Variants in OPHN1 observed in about 807,000 individuals in gnomAD.
The protein encoded by OPHN1 is oligophrenin 1.
In OPHN1, 11 loss-of-function variants were observed where a neutral mutation model predicts 60.7. The observed-to-expected ratio is 0.18, with a 90% CI of 0.11 to 0.30. The LOEUF is 0.30. Ranked by LOEUF, OPHN1 falls within the 10% of genes least tolerant of loss-of-function variation. The pLI, the probability that OPHN1 is intolerant of heterozygous loss-of-function variation, is 1.00. For synonymous variants in OPHN1, 226 were observed against 222.6 expected (o/e 1.02, Z -0.14); for missense variants, 449 against 611.0 (o/e 0.73, Z 2.80).
At chrX:68,361,990 T>C (rs770435491) in intron 2 of OPHN1, among the ~76,000 whole-genome samples, 3 of 112,321 alleles carry the variant, frequency 2.7e-5, no homozygotes, top group Non-Finnish European at 5.6e-5. Context: ...ATTTTTTTCA[T>C]ATACCTGTTG....
chrX:68,381,422 G>A (rs1052370772), intron 2 of OPHN1, among the ~76,000 whole-genome samples: 2 of 111,410 alleles, frequency 1.8e-5, no homozygotes, highest in African/African-American at 3.3e-5. Flanking sequence ...CATAGTAAGC[G>A]CTCAACAAAT....
At chrX:68,236,498 C>T (rs1346322115) in intron 5 of OPHN1, among the ~76,000 whole-genome samples, 1 of 111,963 alleles carries the variant, frequency 8.9e-6, no homozygotes, top group Non-Finnish European at 1.9e-5. Flanking sequence ...TATCTAATTC[C>T]AAAATATTTT....
chrX:68,287,068 A>AAAGG (rs199811542), intron 3 of OPHN1, among the ~76,000 whole-genome samples: 156 of 102,622 alleles, frequency 1.5e-3, no homozygotes, highest in Non-Finnish European at 2.6e-3. Context: ...AGAAAGGAAG[A>AAAGG]AAGGAAGGAA....
intron 6 of OPHN1, among the ~76,000 whole-genome samples, chrX:68,227,372 T>C (rs1457902678): frequency 2.7e-5 from 3 of 110,216 alleles, no homozygotes; most frequent in Non-Finnish European, 5.7e-5. Context: ...AACAAGGAGA[T>C]CCAGGAACTG....
intron 15 of OPHN1, among the ~76,000 whole-genome samples, chrX:68,157,833 C>T (rs1231529571): frequency 2.7e-5 from 3 of 112,355 alleles, no homozygotes; most frequent in African/African-American, 6.5e-5. Flanking sequence ...TAAGTACTAA[C>T]GATGGCAAAG....
intron 5 of OPHN1, among the ~76,000 whole-genome samples, chrX:68,249,807 C>T (rs992649912): frequency 8.9e-6 from 1 of 111,733 alleles, no homozygotes; most frequent in African/African-American, 3.2e-5. Flanking sequence ...AGGAGGAGAA[C>T]GCTTCTTGTC....
chrX:68,162,019 C>T (rs920055019), intron 15 of OPHN1, among the ~76,000 whole-genome samples: 1 of 110,924 alleles, frequency 9.0e-6, no homozygotes, highest in Non-Finnish European at 1.9e-5. Flanking sequence ...AACAACAGGC[C>T]AGTGTGTTTG....
chrX:68,282,461 A>T (rs1032207103), intron 4 of OPHN1, among the ~76,000 whole-genome samples: 1 of 111,925 alleles, frequency 8.9e-6, no homozygotes, highest in East Asian at 2.8e-4. Flanking sequence ...CTGTATGGTG[A>T]CACTGTAATG....
chrX:68,080,980 C>T (rs150919256), intron 19 of OPHN1, among the ~76,000 whole-genome samples: 1 of 111,432 alleles, frequency 9.0e-6, no homozygotes, highest in Non-Finnish European at 1.9e-5. Context: ...CACATCTTCA[C>T]CACAGTCTTT....
chrX:68,110,593 G>A (rs748202183), intron 18 of OPHN1, among the ~76,000 whole-genome samples: 3 of 111,933 alleles, frequency 2.7e-5, no homozygotes, highest in Non-Finnish European at 5.6e-5. Context: ...GACAGATCTG[G>A]AACTTGGACT....
At chrX:68,185,995 T>C (rs1429538436) in intron 15 of OPHN1, among the ~76,000 whole-genome samples, 1 of 111,800 alleles carries the variant, frequency 8.9e-6, no homozygotes, top group African/African-American at 3.3e-5. Flanking sequence ...TAGGCTGCTT[T>C]TTTCCAAGGG....
chrX:68,407,175 G>C (rs1327911364), intron 2 of OPHN1, among the ~76,000 whole-genome samples: 1 of 112,646 alleles, frequency 8.9e-6, no homozygotes, highest in Non-Finnish European at 1.9e-5. Flanking sequence ...CTGCACTCCA[G>C]CTTGGGCAAC....
intron 15 of OPHN1, among the ~76,000 whole-genome samples, chrX:68,128,931 C>A (rs773605679): frequency 2.7e-5 from 3 of 111,286 alleles, no homozygotes; most frequent in African/African-American, 9.8e-5. Context: ...ACAATAAAAG[C>A]GGCATTTTAA....
chrX:68,121,616 T>C (rs2059293133), intron 15 of OPHN1, among the ~76,000 whole-genome samples: 1 of 109,983 alleles, frequency 9.1e-6, no homozygotes, highest in African/African-American at 3.3e-5. Flanking sequence ...CCACAAGGAC[T>C]GCAACTCTTA....
intron 6 of OPHN1, among the ~76,000 whole-genome samples, chrX:68,228,987 T>C (rs987546258): frequency 1.4e-4 from 16 of 111,450 alleles, no homozygotes; most frequent in African/African-American, 5.2e-4. Context: ...TGTTTGCAGA[T>C]GACATGATTG....
intron 2 of OPHN1, among the ~76,000 whole-genome samples, chrX:68,341,542 G>A (rs1374184099): frequency 8.9e-6 from 1 of 111,954 alleles, no homozygotes; most frequent in African/African-American, 3.2e-5. Flanking sequence ...ACAGATTTAA[G>A]AAACATATTG....
chrX:68,396,456 T>A (rs1489999238), intron 2 of OPHN1, among the ~76,000 whole-genome samples: 1 of 104,582 alleles, frequency 9.6e-6, no homozygotes, highest in Non-Finnish European at 2.0e-5. Context: ...AATCTACATG[T>A]CTCTCCCTGT....
intron 19 of OPHN1, among the ~76,000 whole-genome samples, chrX:68,077,927 T>C (rs2076959430): frequency 8.9e-6 from 1 of 112,167 alleles, no homozygotes; most frequent in South Asian, 3.7e-4. Flanking sequence ...CCCAGCTCTA[T>C]CACTTATGGC....
chrX:68,381,872 G>T (rs2078598758), intron 2 of OPHN1, among the ~76,000 whole-genome samples: 1 of 109,814 alleles, frequency 9.1e-6, no homozygotes, highest in Non-Finnish European at 1.9e-5. Context: ...TCCCCTCTCT[G>T]CATCCCACAT....
Sources: gnomAD v4.1 joint callset for allele counts (sites outside exome capture counted in the v4.1 genomes callset) on GRCh38, gnomAD v4.1.1 for gene constraint, MANE v1.5 for transcripts, NCBI Gene and HGNC (gene_info 2026-07-23, HGNC 2026-07-21) for gene names.